The following PPP2R2C variants were observed in gnomAD, a reference collection of about 807,000 sequenced individuals.
PPP2R2C encodes the protein protein phosphatase 2, regulatory subunit B, gamma.
A neutral mutation model predicts 45.3 loss-of-function variants in PPP2R2C; 10 were observed. The ratio of observed to expected loss-of-function variants is 0.22; its 90% confidence interval spans 0.14 to 0.37. PPP2R2C has a LOEUF of 0.37. Among genes scored for constraint, PPP2R2C ranks in the 10% least tolerant of loss-of-function variants. PPP2R2C has a pLI of 1.00. For synonymous variants in PPP2R2C, 257 were observed against 245.4 expected (o/e 1.05, Z -0.44); for missense variants, 308 against 619.7 (o/e 0.50, Z 5.34).
Position 6,368,585 on chromosome 4 carries a change from C to T in PPP2R2C, c.625+3938G>A, listed in dbSNP as rs1392575316. 6.6e-6 allele frequency among the ~76,000 whole-genome samples: 1 copy of T among 152,202 alleles called. No individual in the cohort carries two copies. Among genetic ancestry groups the T allele is most frequent in the Non-Finnish European group, 1.5e-5 (1 of 68,038 alleles). ...AACGGCCAGGGAGGACTTTGCAGTC[C>T]TGGGATGAACCAACCCCCTTTTCTT... On this transcript the variant is annotated intron_variant, in intron 5 of 8. Transcript: ENST00000382599. The surrounding 1 kb of genome is among the most constrained non-coding windows in gnomAD (Gnocchi z 4.2).
At position 6,437,862 on chromosome 4, in the gene PPP2R2C, T is replaced by C. The variant is rs74604348; in HGVS notation, c.70+34298A>G. Among the ~76,000 whole-genome samples, 1,096 of 152,304 alleles carry C rather than the reference T, an allele frequency of 7.2e-3. 3 individuals carry two copies. The highest frequency in any genetic ancestry group is 0.015 in the South Asian group (74 of 4,828). On this transcript the variant is annotated intron_variant, in intron 1 of 8. Coordinates refer to ENST00000382599, the MANE Select transcript of PPP2R2C (RefSeq NM_020416.4). ...TGTGTAGATGCATGGCCTCTGTTTT[T>C]ACGTGCATCGGCTGCTGTCTCATCA...
chr4:6,343,660 C>T (rs1479980327), intron 6 of PPP2R2C, among the ~76,000 whole-genome samples: 5 of 152,022 alleles, frequency 3.3e-5, no homozygotes, highest in Non-Finnish European at 2.9e-5. Flanking sequence ...GTGGAGGCTG[C>T]AGTGAGCCAA....
chr4:6,464,523 C>G (rs1482923993), intron 1 of PPP2R2C, among the ~76,000 whole-genome samples: 1 of 152,206 alleles, frequency 6.6e-6, no homozygotes, highest in Non-Finnish European at 1.5e-5. Flanking sequence ...TGGCACATAA[C>G]AGGGATCAGC....
At chr4:6,447,216 C>T (rs1720471379) in intron 1 of PPP2R2C, among the ~76,000 whole-genome samples, 2 of 152,128 alleles carry the variant, frequency 1.3e-5, no homozygotes, top group Admixed American at 6.5e-5. Context: ...GGGAGCCAGC[C>T]ACTCTCGGGT....
At chr4:6,470,073 CTCCT>C (rs1721786677) in intron 1 of PPP2R2C, among the ~76,000 whole-genome samples, 1 of 152,212 alleles carries the variant, frequency 6.6e-6, no homozygotes, top group Non-Finnish European at 1.5e-5. Flanking sequence ...CTCTGAACGG[CTCCT>C]TCAACACCGT....
chr4:6,388,765 G>A (rs1420691143), intron 1 of PPP2R2C, among the ~76,000 whole-genome samples: 1 of 152,186 alleles, frequency 6.6e-6, no homozygotes, highest in African/African-American at 2.4e-5. Flanking sequence ...AGTCCTCCCT[G>A]GAGCCGTCAG....
chr4:6,367,661 C>T (rs1197286855), intron 5 of PPP2R2C, among the ~76,000 whole-genome samples: 3 of 152,194 alleles, frequency 2.0e-5, no homozygotes, highest in Admixed American at 2.0e-4. Context: ...CAGTCCTCAT[C>T]GCAGCACCTG....
chr4:6,491,031 AC>A (rs1331153839), intron 2 of PPP2R2C, among the ~76,000 whole-genome samples: 1 of 151,852 alleles, frequency 6.6e-6, no homozygotes, highest in African/African-American at 2.4e-5. Flanking sequence ...CCCCACGTAA[AC>A]CCTCTGCCAC....
intron 1 of PPP2R2C, among the ~76,000 whole-genome samples, chr4:6,464,917 A>AAGGAAGGGAGGG (rs1470412309): frequency 2.0e-4 from 26 of 132,738 alleles, no homozygotes; most frequent in African/African-American, 7.1e-4. Context: ...GGAAGGGAGG[A>AAGGAAGGGAGGG]AGGGAGGGAG....
chr4:6,493,164 C>T (rs1722760589), intron 2 of PPP2R2C, among the ~76,000 whole-genome samples: 1 of 152,154 alleles, frequency 6.6e-6, no homozygotes, highest in African/African-American at 2.4e-5. Context: ...ATGAGGCCAA[C>T]CAGGTTCCCC....
chr4:6,363,126 A>G (rs758281180), intron 5 of PPP2R2C, among the ~76,000 whole-genome samples: 1 of 152,178 alleles, frequency 6.6e-6, no homozygotes, highest in Admixed American at 6.5e-5. Flanking sequence ...GGACAGAGCC[A>G]TGGCACGCAG....
At chr4:6,512,635 ATGG>A (rs1723698558) in intron 2 of PPP2R2C, among the ~76,000 whole-genome samples, 1 of 33,766 alleles carries the variant, frequency 3.0e-5, no homozygotes, top group Admixed American at 3.0e-4. Context: ...GGTGATGGTG[ATGG>A]TGGTGATGGT....
rs1317267178 is a variant in PPP2R2C, at chr4:6,345,089, A to G, written c.790+2757T>C. On this transcript the variant is annotated intron_variant, in intron 6 of 8. Coordinates refer to ENST00000382599, the MANE Select transcript of PPP2R2C (RefSeq NM_020416.4). This position sits in a 1 kb window ranked among gnomAD's most constrained non-coding sequence, Gnocchi z 5.3. The stretch of plus-strand genomic sequence containing the variant: ...AATAATCTTAGCATTTAAGATTGGG[A>G]TATTGAGGATGTTTCTGGATTTCCA... Among the ~76,000 whole-genome samples the G allele has an allele frequency of 6.6e-6, 1 of 152,206 alleles. No individual in the cohort carries two copies. The highest frequency in any genetic ancestry group is 6.5e-5 in the Admixed American group (1 of 15,280).
At chr4:6,327,393 A>T (rs1732030388) in intron 8 of PPP2R2C, among the ~76,000 whole-genome samples, 1 of 152,196 alleles carries the variant, frequency 6.6e-6, no homozygotes, top group African/African-American at 2.4e-5. Flanking sequence ...CACCACTGTC[A>T]GCCTGGGGAT....
chr4:6,340,233 A>G (rs1378296675), intron 6 of PPP2R2C, among the ~76,000 whole-genome samples: 2 of 152,096 alleles, frequency 1.3e-5, no homozygotes, highest in South Asian at 4.1e-4. Flanking sequence ...TTTGCACACA[A>G]GAGCCCACCC....
rs139508627 is a variant in PPP2R2C, at chr4:6,443,024, G to A, written c.70+29136C>T. Among the ~76,000 whole-genome samples, 1,086 of 152,292 alleles carry A rather than the reference G, an allele frequency of 7.1e-3. 17 individuals carry two copies. Among genetic ancestry groups the A allele is most frequent in the African/African-American group, 0.024 (1,000 of 41,550 alleles). On this transcript the variant is annotated intron_variant, in intron 1 of 8. Transcript: ENST00000382599. ...TGACTACTTCACAGCCTCCCTGCTC[G>A]GTGACTACTGCCCACCTCCCATTTC...
chr4:6,333,005 CTAACA>C (rs1355734266), intron 7 of PPP2R2C, among the ~76,000 whole-genome samples: 2 of 152,142 alleles, frequency 1.3e-5, no homozygotes, highest in Non-Finnish European at 1.5e-5. Context: ...TGTCTACCCC[CTAACA>C]TATCTGAATG....
intron 2 of PPP2R2C, among the ~76,000 whole-genome samples, chr4:6,486,470 G>A (rs1722530444): frequency 6.6e-6 from 1 of 152,012 alleles, no homozygotes; most frequent in Non-Finnish European, 1.5e-5. Context: ...GTAAGAGAAG[G>A]TTATTGAAAC....
rs1017409348 is a variant in PPP2R2C, at chr4:6,563,435, G to C, written c.-59+125C>G. ...AGACGCGCCCTCTCCTCCAGTCGCGGGAGTCCCGCACCCGAGGGCCGCGTC... is the reference window on the plus strand; with the variant it reads ...AGACGCGCCCTCTCCTCCAGTCGCGCGAGTCCCGCACCCGAGGGCCGCGTC... On this transcript the variant is annotated intron_variant, in intron 1 of 9. Coordinates refer to the PPP2R2C transcript ENST00000506140. The surrounding 1 kb of genome is among the most constrained non-coding windows in gnomAD (Gnocchi z 5.8). 1 of 152,292 alleles carries C rather than the reference G, an allele frequency of 6.6e-6. No homozygotes were observed. The highest frequency in any genetic ancestry group is 1.5e-5 in the Non-Finnish European group (1 of 68,046). 9.4% of individuals were successfully genotyped at this position (152,292 alleles called of 1,614,324 possible).
Sources: allele counts gnomAD v4.1 joint callset (sites outside exome capture counted in the v4.1 genomes callset), GRCh38; gene constraint gnomAD v4.1.1; non-coding constraint Gnocchi (gnomAD v3.1); transcripts MANE v1.5; gene names NCBI Gene and HGNC (gene_info 2026-07-23, HGNC 2026-07-21).